GRAMD1C: variants seen among roughly 807,000 people sequenced by gnomAD.
The protein encoded by GRAMD1C is protein Aster-C.
A neutral mutation model predicts 97.8 loss-of-function variants in GRAMD1C; 89 were observed. The ratio of observed to expected loss-of-function variants is 0.91; its 90% CI spans 0.77 to 1.09. The LOEUF is 1.09. Ranked by LOEUF, GRAMD1C falls within the 50% of genes least tolerant of loss-of-function variation. GRAMD1C has a pLI of 0.00. For missense variants in GRAMD1C, 740 were observed against 766.4 expected (o/e 0.97, Z 0.41); for synonymous variants, 256 against 267.0 (o/e 0.96, Z 0.40).
At chr3:113,833,758 A>C (rs906556894) in intron 1 of GRAMD1C, among the ~76,000 whole-genome samples, 4 of 152,206 alleles carry the variant, frequency 2.6e-5, no homozygotes, top group Admixed American at 1.3e-4. Flanking sequence ...TTCTTAATTA[A>C]GCATTCCCCT....
intron 15 of GRAMD1C, 67 bp downstream of exon 15, chr3:113,938,210 A>T: frequency 1.3e-6 from 1 of 747,078 alleles, no homozygotes; most frequent in Non-Finnish European, 2.2e-6. Flanking sequence ...TTTCCAAAAG[A>T]ATTTGAATGT....
intron 14 of GRAMD1C, 56 bp downstream of exon 14, chr3:113,936,498 A>C: frequency 9.1e-7 from 1 of 1,099,064 alleles, no homozygotes; most frequent in Non-Finnish European, 1.4e-6. Flanking sequence ...TATATGAAGC[A>C]GAATGTGCCT....
rs1321141449 is a variant in GRAMD1C, at chr3:113,844,605, C to T, written c.130C>T (p.Gln44Ter). The T allele has an allele frequency of 1.2e-6, 2 of 1,605,354 alleles. No homozygotes were observed. The highest frequency in any genetic ancestry group is 2.7e-5 in the African/African-American group (2 of 74,530). The change falls in exon 2 of 18, where the codon CAG (glutamine) becomes TAG (stop). Residue 44 changes from glutamine (Q) to a stop codon, truncating the protein, a stop_gained. Transcript: ENST00000358160. LOFTEE classifies it high-confidence loss of function. Reference protein sequence around the residue: ...VEENNVVVKKQGPNLHNWSGD... With the variant: ...VEENNVVVKK ...AGAGAATAATGTGGTAGTTAAAAAA[C>T]AGGGGCCAAATTTACATAATTGGAG...
intron 1 of GRAMD1C, among the ~76,000 whole-genome samples, chr3:113,833,357 C>T (rs113216271): frequency 0.018 from 2,696 of 151,856 alleles, 78 homozygotes; most frequent in African/African-American, 0.059. Flanking sequence ...AGGCTGGTCT[C>T]GAACTCCCAA....
chr3:113,885,986 T>G, intron 6 of GRAMD1C: 2 of 1,591,118 alleles, frequency 1.3e-6, no homozygotes, highest in South Asian at 2.2e-5. Context: ...CCGCTGACGT[T>G]CATTCTGTGC....
At chr3:113,899,050 G>A (rs931113294) in intron 6 of GRAMD1C, among the ~76,000 whole-genome samples, 1 of 152,052 alleles carries the variant, frequency 6.6e-6, no homozygotes, top group Admixed American at 6.5e-5. Context: ...GAAGAAAAAG[G>A]AAGTGGTATT....
intron 3 of GRAMD1C, among the ~76,000 whole-genome samples, chr3:113,872,950 T>C (rs1475663704): frequency 6.7e-6 from 1 of 148,166 alleles, no homozygotes; most frequent in Non-Finnish European, 1.5e-5. Flanking sequence ...CCAGGCGTGG[T>C]GGCCAGCGCC....
chr3:113,838,740 G>T, upstream of GRAMD1C: 1 of 393,116 alleles, frequency 2.5e-6, no homozygotes, highest in South Asian at 1.3e-4. Context: ...CCCATCGTCA[G>T]GAATCCTTCA....
chr3:113,860,489 T>A (rs1192646897), intron 2 of GRAMD1C, among the ~76,000 whole-genome samples: 1 of 152,160 alleles, frequency 6.6e-6, no homozygotes, highest in African/African-American at 2.4e-5. Flanking sequence ...CACTATCCTA[T>A]CAAAATTCAA....
intron 2 of GRAMD1C, chr3:113,850,606 G>A: frequency 1.2e-6 from 2 of 1,607,710 alleles, no homozygotes; most frequent in Non-Finnish European, 1.7e-6. Flanking sequence ...ATGACATGAA[G>A]GTTGGGCACA....
intron 5 of GRAMD1C, among the ~76,000 whole-genome samples, chr3:113,878,732 A>G (rs530845193): frequency 1.3e-5 from 2 of 152,132 alleles, no homozygotes; most frequent in Non-Finnish European, 2.9e-5. Context: ...TTCCGTGGCT[A>G]TGAGAAACCA....
intron 10 of GRAMD1C, among the ~76,000 whole-genome samples, chr3:113,926,559 ATTGT>A: frequency 6.6e-6 from 1 of 152,162 alleles, no homozygotes; most frequent in East Asian, 1.9e-4. Flanking sequence ...AACTAGTATA[ATTGT>A]TTGGAGGTAG....
At chr3:113,943,450 T>G (rs1477357327) in intron 17 of GRAMD1C, among the ~76,000 whole-genome samples, 4 of 152,222 alleles carry the variant, frequency 2.6e-5, no homozygotes, top group African/African-American at 9.6e-5. Flanking sequence ...CATTAGTAGT[T>G]AATTCCCATC....
At chr3:113,871,003 A>G (rs978195623) in intron 3 of GRAMD1C, among the ~76,000 whole-genome samples, 10 of 100,022 alleles carry the variant, frequency 1.0e-4, no homozygotes, top group South Asian at 3.9e-4. Flanking sequence ...ACACACACAC[A>G]CACACACACA....
intron 2 of GRAMD1C, among the ~76,000 whole-genome samples, chr3:113,853,768 T>C (rs1480908405): frequency 1.3e-5 from 2 of 152,006 alleles, no homozygotes; most frequent in Admixed American, 6.6e-5. Flanking sequence ...AACAAAAGAA[T>C]GTAAAGGTGT....
At chr3:113,929,849 G>T (rs1431899416) in intron 10 of GRAMD1C, among the ~76,000 whole-genome samples, 1 of 152,116 alleles carries the variant, frequency 6.6e-6, no homozygotes, top group African/African-American at 2.4e-5. Context: ...TTCCTTTGAT[G>T]ATGAGTATAA....
intron 6 of GRAMD1C, among the ~76,000 whole-genome samples, chr3:113,895,896 CTT>C (rs1248838960): frequency 1.3e-5 from 2 of 152,162 alleles, no homozygotes; most frequent in Non-Finnish European, 2.9e-5. Context: ...CTTCTTATCT[CTT>C]TTTAACACCT....
At chr3:113,896,327 C>T (rs1226507726) in intron 6 of GRAMD1C, among the ~76,000 whole-genome samples, 1 of 152,170 alleles carries the variant, frequency 6.6e-6, no homozygotes, top group African/African-American at 2.4e-5. Flanking sequence ...GGAATCTTCT[C>T]TTACCTTTCT....
chr3:113,900,444 G>A (rs1236873239), intron 6 of GRAMD1C, among the ~76,000 whole-genome samples: 1 of 95,350 alleles, frequency 1.0e-5, no homozygotes, highest in African/African-American at 3.7e-5. Flanking sequence ...ATTTTGAGAT[G>A]GAGTCTCGCT....
Sources: allele counts gnomAD v4.1 joint callset (sites outside exome capture counted in the v4.1 genomes callset), GRCh38; gene constraint gnomAD v4.1.1; transcripts MANE v1.5; gene names NCBI Gene and HGNC (gene_info 2026-07-23, HGNC 2026-07-21).